The following SP4 variants were observed in gnomAD, a reference collection of about 807,000 sequenced individuals.
SP4 encodes transcription factor Sp4.
A neutral mutation model predicts 72.8 loss-of-function variants in SP4; 19 were observed. That is an observed-to-expected ratio of 0.26 (90% CI 0.18 to 0.38). SP4 has a LOEUF of 0.38. Among genes scored for constraint, SP4 ranks in the 10% least tolerant of loss-of-function variants. The probability of loss-of-function intolerance (pLI) is 1.00; values close to 1 mark genes in which losing one functional copy is unlikely to be tolerated. For synonymous variants in SP4, 395 were observed against 333.1 expected, an observed-to-expected ratio of 1.19 and a Z score of -2.02; for missense variants, 1,008 against 926.3, an observed-to-expected ratio of 1.09 and a Z score of -1.14.
chr7:21,428,608 G>T, intron 1 of SP4, 69 bp from the exon 2 acceptor site: 1 of 1,428,710 alleles, frequency 7.0e-7, no homozygotes, highest in South Asian at 1.3e-5. Flanking sequence ...AAGAGGAGAG[G>T]AAGAAGACGA....
intron 5 of SP4, chr7:21,482,958 T>G (rs1469456438): frequency 1.9e-5 from 3 of 159,280 alleles, no homozygotes; most frequent in African/African-American, 7.2e-5. Context: ...ATCACAAACT[T>G]AGTTGATGAG....
chr7:21,466,730 G>A (rs1195917304), intron 3 of SP4, among the ~76,000 whole-genome samples: 4 of 151,638 alleles, frequency 2.6e-5, no homozygotes, highest in African/African-American at 9.7e-5. Flanking sequence ...TGTCATTGAA[G>A]CTCTTCCATA....
At chr7:21,451,933 C>A (rs1019487249) in intron 3 of SP4, among the ~76,000 whole-genome samples, 1 of 152,184 alleles carries the variant, frequency 6.6e-6, no homozygotes, top group African/African-American at 2.4e-5. Context: ...CCGGCTGAGA[C>A]CTGGGTGCGT....
At chr7:21,444,775 T>A (rs1783370607) in intron 3 of SP4, among the ~76,000 whole-genome samples, 1 of 152,190 alleles carries the variant, frequency 6.6e-6, no homozygotes. Context: ...TTGGCCAAGA[T>A]CATATAGCCA....
In SP4 at chr7:21,428,157, G is replaced by A; in HGVS notation, c.-95G>A. On this transcript the variant is annotated 5_prime_UTR_variant, in exon 1 of 6. Transcript: ENST00000222584. ...CTACAGCCTCCTCCGAGCCACCGCG[G>A]GCGGGCGGGACCGGCCTCTCCTCCC... 8.0e-6 allele frequency: 6 copies of A among 754,516 alleles called. No homozygotes were observed. In the South Asian group the frequency reaches 8.8e-5, roughly 11 times the overall value. The allele number at this position is 754,516 out of a possible 1,614,324, so 46.7% of individuals were successfully genotyped here.
chr7:21,469,329 T>C (rs1784258888), intron 3 of SP4, among the ~76,000 whole-genome samples: 1 of 152,136 alleles, frequency 6.6e-6, no homozygotes, highest in Non-Finnish European at 1.5e-5. Flanking sequence ...CACATCAAAA[T>C]GATAATAGTG....
intron 3 of SP4, among the ~76,000 whole-genome samples, chr7:21,447,306 G>A (rs1783458975): frequency 6.6e-6 from 1 of 152,132 alleles, no homozygotes; most frequent in African/African-American, 2.4e-5. Flanking sequence ...TTTTACCATA[G>A]TCCTTGCTGC....
At chr7:21,452,919 TCTACAGGCAC>T (rs1783644746) in intron 3 of SP4, among the ~76,000 whole-genome samples, 1 of 151,848 alleles carries the variant, frequency 6.6e-6, no homozygotes, top group Non-Finnish European at 1.5e-5. Flanking sequence ...AGTAGCTGGG[TCTACAGGCAC>T]CTGCCACCGC....
intron 3 of SP4, among the ~76,000 whole-genome samples, chr7:21,445,523 G>A (rs1783392643): frequency 1.3e-5 from 2 of 152,136 alleles, no homozygotes; most frequent in South Asian, 2.1e-4. Flanking sequence ...TGTATACATC[G>A]CATATTGTTC....
chr7:21,451,067 G>C (rs965577), intron 3 of SP4, among the ~76,000 whole-genome samples: 201 of 152,316 alleles, frequency 1.3e-3, no homozygotes, highest in Non-Finnish European at 2.3e-3. Context: ...GGGCTGTCCA[G>C]ATGTGCAGTG....
At chr7:21,447,617 A>T (rs1414174956) in intron 3 of SP4, among the ~76,000 whole-genome samples, 1 of 152,204 alleles carries the variant, frequency 6.6e-6, no homozygotes, top group Admixed American at 6.5e-5. Context: ...CAGGGAGAAT[A>T]CCATTTTCAG....
Position 21,430,824 on chromosome 7 carries a change from T to A in SP4, c.1659T>A (p.Val553=). 20 of 1,611,804 alleles carry A rather than the reference T, an allele frequency of 1.2e-5. No homozygotes were observed. The highest frequency in any genetic ancestry group is 1.6e-5 in the Non-Finnish European group (19 of 1,178,384). The change falls in exon 3 of 6, where the codon GTT becomes GTA. Residue 553 remains valine, a synonymous_variant. Transcript: ENST00000222584. The stretch of plus-strand genomic sequence containing the variant: ...GTGTTCAAGTGCAGGGAGTTCCCGT[T>A]ACAATCACTAGTGTTGCAGGTAAGT... ...AAGVQVQGVP[V]TITSVAGQQQ... is the part of the protein sequence containing the mutation.
intron 5 of SP4, among the ~76,000 whole-genome samples, chr7:21,484,879 A>T (rs1784772300): frequency 6.6e-6 from 1 of 151,924 alleles, no homozygotes; most frequent in African/African-American, 2.4e-5. Flanking sequence ...ATATACATAT[A>T]CTTCAAAACC....
chr7:21,462,495 A>G (rs983349779), intron 3 of SP4, among the ~76,000 whole-genome samples: 1 of 152,218 alleles, frequency 6.6e-6, no homozygotes, highest in African/African-American at 2.4e-5. Flanking sequence ...ACTTCCAGAA[A>G]ATGAAAGTGA....
intron 5 of SP4, among the ~76,000 whole-genome samples, chr7:21,485,207 A>T (rs971749598): frequency 6.6e-6 from 1 of 151,976 alleles, no homozygotes; most frequent in Admixed American, 6.5e-5. Context: ...AGCCTTAACC[A>T]TTCGTAGCAA....
chr7:21,511,329 G>A lies in SP4; in HGVS notation c.*60G>A. On this transcript the variant is annotated 3_prime_UTR_variant, in exon 6 of 6. Transcript: ENST00000222584. ...CTTGTTTACACACCTTTGAAAATCT[G>A]GAAATGGGCTGGTCAAGTGGATTAC... 1.3e-6 allele frequency: 2 copies of A among 1,519,134 alleles called. No homozygotes were observed. The highest frequency in any genetic ancestry group is 1.8e-6 in the Non-Finnish European group (2 of 1,114,454). The allele number at this position is 1,519,134 out of a possible 1,614,324, so 94.1% of individuals were successfully genotyped here.
At chr7:21,442,033 T>C (rs1783269997) in intron 3 of SP4, among the ~76,000 whole-genome samples, 1 of 40,392 alleles carries the variant, frequency 2.5e-5, no homozygotes, top group Non-Finnish European at 7.0e-5. Context: ...TGTGTGTGTG[T>C]GTGTATTTTT....
intron 3 of SP4, 27 bp downstream of exon 3, chr7:21,430,870 C>A: frequency 6.7e-7 from 1 of 1,484,790 alleles, no homozygotes; most frequent in South Asian, 1.2e-5. Flanking sequence ...TTTTAAGTAC[C>A]TTTTAAATAG....
chr7:21,435,731 A>T (rs990565153), intron 3 of SP4, among the ~76,000 whole-genome samples: 1 of 152,164 alleles, frequency 6.6e-6, no homozygotes, highest in Non-Finnish European at 1.5e-5. Context: ...TAAATCTTGT[A>T]TTCAATACGA....
Sources: gnomAD v4.1 joint callset for allele counts (sites outside exome capture counted in the v4.1 genomes callset) on GRCh38, gnomAD v4.1.1 for gene constraint, MANE v1.5 for transcripts, NCBI Gene and HGNC (gene_info 2026-07-23, HGNC 2026-07-21) for gene names.